KAT6B: variants seen among roughly 807,000 people sequenced by gnomAD.
KAT6B encodes histone acetyltransferase KAT6B.
In KAT6B, 10 loss-of-function variants were observed where a neutral mutation model predicts 187.5. That is an observed-to-expected ratio of 0.05 (90% CI 0.03 to 0.09). The LOEUF (loss-of-function observed/expected upper bound fraction) is 0.09. KAT6B is among the 10% of genes least tolerant of loss of function. The pLI, the probability that KAT6B is intolerant of heterozygous loss-of-function variation, is 1.00. For missense variants in KAT6B, 1,952 were observed against 2,558.9 expected (o/e 0.76, Z 5.12); for synonymous variants, 861 against 926.8 (o/e 0.93, Z 1.29).
intron 7 of KAT6B, 78 bp from the exon 8 acceptor site, chr10:74,975,321 T>C: frequency 8.6e-7 from 1 of 1,160,746 alleles, no homozygotes; most frequent in South Asian, 1.3e-5. Context: ...ATGCATCTAG[T>C]TGCAATAAAT....
intron 3 of KAT6B, among the ~76,000 whole-genome samples, chr10:74,910,510 A>G (rs1376546952): frequency 6.6e-6 from 1 of 152,164 alleles, no homozygotes; most frequent in East Asian, 1.9e-4. Flanking sequence ...CACTGTGGGC[A>G]CCCACAAATA....
chr10:74,984,485 A>C (rs1475023614), intron 11 of KAT6B: 1 of 154,668 alleles, frequency 6.5e-6, no homozygotes, highest in Non-Finnish European at 1.4e-5. Flanking sequence ...CATAGTGCTT[A>C]TTGTAGGTTG....
In KAT6B at chr10:75,020,711, G is replaced by C; in HGVS notation, c.2759G>C (p.Arg920Thr). Reference protein sequence around the residue: ...ILEYLYHHHERHISIKAISRA... With the variant: ...ILEYLYHHHETHISIKAISRA... Reference sequence around the variant, plus strand: ...GAGTATCTCTACCACCACCATGAGAGGCACATCAGCATCAAGGCAATTAGC... The same window carrying C: ...GAGTATCTCTACCACCACCATGAGACGCACATCAGCATCAAGGCAATTAGC... The change falls in exon 14 of 18, where the codon AGG becomes ACG. Residue 920 changes from arginine (R) to threonine (T), a missense_variant. Around this residue, in one of 9 missense-constraint regions of KAT6B, gnomAD observed 758 missense variants for 891.4 expected, o/e 0.85. Transcript: ENST00000287239. 6.2e-7 allele frequency: 1 copy of C among 1,613,664 alleles called. No homozygotes were observed.
At chr10:74,886,027 G>C (rs543894389) in intron 3 of KAT6B, among the ~76,000 whole-genome samples, 1 of 152,108 alleles carries the variant, frequency 6.6e-6, no homozygotes. Context: ...CACTGCGCCC[G>C]GCCAGGGGAA....
intron 13 of KAT6B, among the ~76,000 whole-genome samples, chr10:74,997,839 C>T (rs1040043877): frequency 4.2e-4 from 63 of 151,730 alleles, no homozygotes; most frequent in African/African-American, 1.5e-3. Context: ...AGGCTGGGGA[C>T]AGTGGCTCAC....
At chr10:74,979,186 A>G in intron 9 of KAT6B, 38 bp from the exon 10 acceptor site, 1 of 1,385,604 alleles carries the variant, frequency 7.2e-7, no homozygotes, top group Middle Eastern at 1.8e-4. Flanking sequence ...TAAGTGAAGT[A>G]TATATATTAT....
intron 3 of KAT6B, among the ~76,000 whole-genome samples, chr10:74,867,824 G>A (rs1843662133): frequency 6.6e-6 from 1 of 152,192 alleles, no homozygotes; most frequent in Non-Finnish European, 1.5e-5. Flanking sequence ...CTATCTTAAA[G>A]GGTGGTCAGT....
At chr10:75,022,933 A>G (rs1018906676) in intron 16 of KAT6B, among the ~76,000 whole-genome samples, 1 of 152,230 alleles carries the variant, frequency 6.6e-6, no homozygotes, top group Non-Finnish European at 1.5e-5. Context: ...TCAAAACAGA[A>G]CAAAAAGACT....
intron 3 of KAT6B, among the ~76,000 whole-genome samples, chr10:74,940,162 G>A (rs1849557386): frequency 6.6e-6 from 1 of 152,036 alleles, no homozygotes; most frequent in Admixed American, 6.6e-5. Flanking sequence ...TCTTTGTACT[G>A]TGTGGAATTT....
intron 3 of KAT6B, among the ~76,000 whole-genome samples, chr10:74,944,676 G>T (rs1431294342): frequency 6.6e-6 from 1 of 152,056 alleles, no homozygotes; most frequent in East Asian, 1.9e-4. Flanking sequence ...GGGCGTAGTG[G>T]CAGGCGCCTG....
chr10:74,966,361 A>C (rs1426696172), intron 4 of KAT6B, among the ~76,000 whole-genome samples: 1 of 152,194 alleles, frequency 6.6e-6, no homozygotes, highest in African/African-American at 2.4e-5. Context: ...ACTTCTGCAG[A>C]GTTCTTTTTG....
intron 13 of KAT6B, among the ~76,000 whole-genome samples, chr10:75,002,730 T>C (rs1398968092): frequency 2.0e-5 from 3 of 152,254 alleles, no homozygotes; most frequent in African/African-American, 7.2e-5. Context: ...AGTAAAAATA[T>C]GCTGTTATAA....
intron 12 of KAT6B, among the ~76,000 whole-genome samples, chr10:74,987,757 A>C (rs563023715): frequency 6.6e-6 from 1 of 152,232 alleles, no homozygotes; most frequent in African/African-American, 2.4e-5. Context: ...GGATCTCAAA[A>C]AACTCCGAAA....
At chr10:74,869,201 G>A (rs979022613) in intron 3 of KAT6B, among the ~76,000 whole-genome samples, 5 of 151,536 alleles carry the variant, frequency 3.3e-5, no homozygotes, top group African/African-American at 4.8e-5. Context: ...GTTTATGCGC[G>A]TGTCCTTTCA....
intron 3 of KAT6B, among the ~76,000 whole-genome samples, chr10:74,926,823 C>T (rs550224656): frequency 1.3e-5 from 2 of 152,214 alleles, no homozygotes; most frequent in Admixed American, 1.3e-4. Flanking sequence ...TTCTTCAGTA[C>T]ACTCTTGAGA....
At chr10:74,837,086 C>T (rs1012018408) in intron 1 of KAT6B, among the ~76,000 whole-genome samples, 5 of 152,068 alleles carry the variant, frequency 3.3e-5, no homozygotes, top group East Asian at 1.9e-4. Flanking sequence ...GAGGAGGCCT[C>T]GCATAATACT....
intron 3 of KAT6B, among the ~76,000 whole-genome samples, chr10:74,914,694 C>T (rs1847527238): frequency 6.6e-6 from 1 of 152,142 alleles, no homozygotes; most frequent in Non-Finnish European, 1.5e-5. Context: ...TTCCAGTTTC[C>T]CCTCAGTGCA....
At chr10:75,010,132 T>C (rs1170210352) in intron 13 of KAT6B, among the ~76,000 whole-genome samples, 1 of 152,192 alleles carries the variant, frequency 6.6e-6, no homozygotes, top group African/African-American at 2.4e-5. Context: ...CAGAGGGGGC[T>C]CAGCAATAAC....
chr10:74,923,303 C>T (rs1848272869), intron 3 of KAT6B, among the ~76,000 whole-genome samples: 2 of 152,116 alleles, frequency 1.3e-5, no homozygotes, highest in Admixed American at 1.3e-4. Context: ...TTCTTGAGCA[C>T]CTGGTGTATG....
Sources: gnomAD v4.1 joint callset for allele counts (sites outside exome capture counted in the v4.1 genomes callset) on GRCh38, gnomAD v4.1.1 for gene constraint, gnomAD v4.1.1 regional missense constraint, MANE v1.5 for transcripts, NCBI Gene and HGNC (gene_info 2026-07-23, HGNC 2026-07-21) for gene names.